Variants in COL27A1 observed in about 807,000 individuals in gnomAD.
The protein encoded by COL27A1 is collagen alpha-1(XXVII) chain.
In COL27A1, 106 loss-of-function variants were observed where a neutral mutation model predicts 251.3. That is an observed-to-expected ratio of 0.42 (90% CI 0.36 to 0.50). COL27A1 has a LOEUF of 0.50. Ranked by LOEUF, COL27A1 falls within the 20% of genes least tolerant of loss-of-function variation. The pLI is 0.00. For synonymous variants in COL27A1, 1,000 were observed against 986.3 expected, an observed-to-expected ratio of 1.01 and a Z score of -0.26; for missense variants, 2,325 against 2,522.8, an observed-to-expected ratio of 0.92 and a Z score of 1.68.
At chr9:114,255,746 C>G (rs747547404) in intron 27 of COL27A1, among the ~76,000 whole-genome samples, 1 of 152,162 alleles carries the variant, frequency 6.6e-6, no homozygotes, top group Non-Finnish European at 1.5e-5. Context: ...CAGGGCTGGT[C>G]CCTTGGATCT....
intron 48 of COL27A1, among the ~76,000 whole-genome samples, chr9:114,291,149 T>G (rs554826010): frequency 6.6e-6 from 1 of 152,234 alleles, no homozygotes; most frequent in East Asian, 1.9e-4. Flanking sequence ...CTTGAAACCT[T>G]CAACTGGTTT....
intron 20 of COL27A1, 31 bp from the exon 21 acceptor site, chr9:114,240,403 T>C (rs916334887): frequency 1.2e-6 from 2 of 1,609,466 alleles, no homozygotes; most frequent in Admixed American, 1.7e-5. Context: ...GTACCGCCTC[T>C]GAGACTCCCT....
chr9:114,161,720 G>T (rs1848504738), intron 1 of COL27A1, among the ~76,000 whole-genome samples: 1 of 152,216 alleles, frequency 6.6e-6, no homozygotes, highest in African/African-American at 2.4e-5. Context: ...CCTCCCCTCT[G>T]CCTGCCTGGG....
chr9:114,212,580 G>A (rs1351135489), intron 12 of COL27A1, among the ~76,000 whole-genome samples: 2 of 152,206 alleles, frequency 1.3e-5, no homozygotes, highest in Non-Finnish European at 1.5e-5. Context: ...TCTTGAATAA[G>A]TTAGTCCAGA....
intron 12 of COL27A1, among the ~76,000 whole-genome samples, chr9:114,215,157 C>T (rs1830639014): frequency 6.6e-6 from 1 of 152,224 alleles, no homozygotes. Flanking sequence ...CACCGACTCC[C>T]TGGGGTGTGG....
chr9:114,201,123 T>C (rs2135277508), intron 7 of COL27A1, among the ~76,000 whole-genome samples: 1 of 152,260 alleles, frequency 6.6e-6, no homozygotes, highest in Middle Eastern at 3.4e-3. Flanking sequence ...CAAACCAAAA[T>C]ATAGACCGAG....
chr9:114,260,148 C>G (rs570686619), intron 28 of COL27A1, among the ~76,000 whole-genome samples: 1 of 152,228 alleles, frequency 6.6e-6, no homozygotes, highest in Non-Finnish European at 1.5e-5. Flanking sequence ...GCGCGGGGCT[C>G]AGGCCCCCTT....
At chr9:114,218,647 C>T (rs960293396) in intron 12 of COL27A1, 1 of 152,186 alleles carries the variant, frequency 6.6e-6, no homozygotes, top group African/African-American at 2.4e-5. Flanking sequence ...GAAGCCACAC[C>T]TTCTATGGGG....
intron 37 of COL27A1, among the ~76,000 whole-genome samples, chr9:114,279,824 G>T (rs993330042): frequency 1.3e-5 from 2 of 152,180 alleles, no homozygotes; most frequent in African/African-American, 4.8e-5. Context: ...CTGTGTTCCA[G>T]CCTGGGCAAC....
rs2135522497 is a variant in COL27A1, at chr9:114,250,610, C to T, written c.2980-5C>T. ...TTCTCTTGCTTTCGGGAATGTGTCT[C>T]ATAGGGATTTATGGGATTCATTGGT... On this transcript the variant is annotated splice_region_variant and splice_polypyrimidine_tract_variant and intron_variant, in intron 24 of 60. Transcript: ENST00000356083. 3 of 1,611,526 alleles carry T rather than the reference C, an allele frequency of 1.9e-6. No homozygotes were observed. The highest frequency in any genetic ancestry group is 2.5e-6 in the Non-Finnish European group (3 of 1,177,868).
chr9:114,182,795 T>C (rs115183480), intron 4 of COL27A1, among the ~76,000 whole-genome samples: 286 of 152,256 alleles, frequency 1.9e-3, no homozygotes, highest in African/African-American at 6.7e-3. Flanking sequence ...ACCTTCCAGG[T>C]TAACAGGATC....
At chr9:114,175,100 G>T (rs939086445) in intron 3 of COL27A1, among the ~76,000 whole-genome samples, 1 of 152,288 alleles carries the variant, frequency 6.6e-6, no homozygotes, top group Admixed American at 6.5e-5. Context: ...GTAGGATGGG[G>T]TTCCCCTAGA....
chr9:114,221,115 C>CCTG (rs1831078221), intron 13 of COL27A1, among the ~76,000 whole-genome samples: 1 of 152,022 alleles, frequency 6.6e-6, no homozygotes, highest in Non-Finnish European at 1.5e-5. Context: ...GGGGTATAGT[C>CCTG]CTGCCTTTGA....
At position 114,252,476 on chromosome 9, in the gene COL27A1, A is replaced by T; in HGVS notation, c.3034-117A>T. On this transcript the variant is annotated intron_variant, in intron 25 of 60. Coordinates refer to ENST00000356083, the MANE Select transcript of COL27A1 (RefSeq NM_032888.4). ...TGAACTAGGCAGGGACCCTCTAGAGACCTTGAGCAAACCCCTACCTCTCTT... is the reference window on the plus strand; with the variant it reads ...TGAACTAGGCAGGGACCCTCTAGAGTCCTTGAGCAAACCCCTACCTCTCTT... 5 of 825,100 alleles carry T rather than the reference A, an allele frequency of 6.1e-6. No homozygotes were observed. In the South Asian group the frequency reaches 7.2e-5, roughly 12 times the overall value. 51.1% of individuals were successfully genotyped at this position (825,100 alleles called of 1,614,324 possible).
intron 27 of COL27A1, 83 bp from the exon 28 acceptor site, chr9:114,258,458 A>G: frequency 7.1e-7 from 1 of 1,405,876 alleles, no homozygotes; most frequent in South Asian, 1.3e-5. Context: ...CAGGCCTTCA[A>G]GCTTTGCCCC....
intron 1 of COL27A1, among the ~76,000 whole-genome samples, chr9:114,156,353 G>T (rs1848123410): frequency 6.6e-6 from 1 of 151,710 alleles, no homozygotes; most frequent in Non-Finnish European, 1.5e-5. Flanking sequence ...GGGGAGGAGG[G>T]GGGTCTCCGT....
chr9:114,208,506 A>T lies in COL27A1; in HGVS notation c.2269-1169A>T, dbSNP rs559320916. On this transcript the variant is annotated intron_variant, in intron 10 of 60. Transcript: ENST00000356083. ...TATAATACTTCCTCGGGGTGTGATAAGGATGGAATAAATGCTTTAATATAT... is the reference window on the plus strand; with the variant it reads ...TATAATACTTCCTCGGGGTGTGATATGGATGGAATAAATGCTTTAATATAT... Among the ~76,000 whole-genome samples the T allele has an allele frequency of 2.0e-5, 3 of 152,340 alleles. No individual in the cohort carries two copies. In the South Asian group the frequency reaches 6.2e-4, roughly 32 times the overall value.
intron 1 of COL27A1, among the ~76,000 whole-genome samples, chr9:114,161,806 T>A (rs1410239319): frequency 6.6e-6 from 1 of 152,202 alleles, no homozygotes; most frequent in Non-Finnish European, 1.5e-5. Context: ...TCATTGCCTT[T>A]GCCCATCTTG....
chr9:114,248,888 G>A (rs942245265), intron 24 of COL27A1, among the ~76,000 whole-genome samples: 10 of 152,072 alleles, frequency 6.6e-5, no homozygotes, highest in African/African-American at 1.4e-4. Context: ...CCCTTCATTC[G>A]GCATCCTCTA....
Sources: gnomAD v4.1 joint callset for allele counts (sites outside exome capture counted in the v4.1 genomes callset) on GRCh38, gnomAD v4.1.1 for gene constraint, MANE v1.5 for transcripts, NCBI Gene and HGNC (gene_info 2026-07-23, HGNC 2026-07-21) for gene names.